Variants in CCNJ observed in about 807,000 individuals in gnomAD.
CCNJ encodes the protein cyclin J.
Under a neutral mutation model 41.4 loss-of-function variants are expected in CCNJ, and 12 were observed. That is an observed-to-expected ratio of 0.29 (90% CI 0.19 to 0.47). The LOEUF is 0.47. Among genes scored for constraint, CCNJ ranks in the 20% least tolerant of loss-of-function variants. The probability of loss-of-function intolerance (pLI) is 1.00; values close to 1 mark genes in which losing one functional copy is unlikely to be tolerated. For missense variants in CCNJ, 340 were observed against 464.6 expected (o/e 0.73, Z 2.47); for synonymous variants, 161 against 173.4 (o/e 0.93, Z 0.56).
intron 2 of CCNJ, among the ~76,000 whole-genome samples, chr10:96,048,897 TCTTCAAGTCCCTG>T (rs2080440886): frequency 6.6e-6 from 1 of 152,226 alleles, no homozygotes; most frequent in Non-Finnish European, 1.5e-5. Context: ...TACAAATCTC[TCTTCAAGTCCCTG>T]CTTTCAGTTC....
At chr10:96,049,446 T>C (rs1050516669) in intron 2 of CCNJ, among the ~76,000 whole-genome samples, 1 of 151,578 alleles carries the variant, frequency 6.6e-6, no homozygotes, top group African/African-American at 2.4e-5. Context: ...TTTTTAATTT[T>C]GTTAAAGTCC....
Position 96,058,492 on chromosome 10 carries a change from T to C in CCNJ, c.*251T>C. 1 of 503,346 alleles carries C rather than the reference T, an allele frequency of 2.0e-6. No homozygotes were observed. Among genetic ancestry groups the C allele is most frequent in the South Asian group, 3.9e-5 (1 of 25,726 alleles). 31.2% of individuals were successfully genotyped at this position (503,346 alleles called of 1,614,324 possible). A position where few individuals can be genotyped will look rare whatever the true frequency, so the allele number is the denominator to read the frequency against. The stretch of plus-strand genomic sequence containing the variant: ...AAAATGTTCAAGTCCTGGCTGATGG[T>C]CCAAATATTTCAAAAATATTCAGTA... On this transcript the variant is annotated 3_prime_UTR_variant, in exon 6 of 6. Coordinates refer to ENST00000465148, the MANE Select transcript of CCNJ (RefSeq NM_001134375.2).
At chr10:96,043,531 C>T (rs1202926300), upstream of CCNJ, 1 of 393,638 alleles carries the variant, frequency 2.5e-6, no homozygotes, top group African/African-American at 2.1e-5. Context: ...AGCGGCGGGG[C>T]CTCAAGTGCC....
chr10:96,051,170 G>T (rs1289573132), intron 3 of CCNJ, among the ~76,000 whole-genome samples: 1 of 152,158 alleles, frequency 6.6e-6, no homozygotes, highest in African/African-American at 2.4e-5. Context: ...TGTGTAGTAG[G>T]CTCCAAGATA....
rs778019676 is a variant in CCNJ, at chr10:96,044,372, G to C, written c.-22G>C. ...TTACAGACTCGAGTTGCCGCGTCGG[G>C]CTGGGCGCGCCGCCGGGTCCCATGG... On this transcript the variant is annotated 5_prime_UTR_variant, in exon 2 of 6. Coordinates refer to ENST00000465148, the MANE Select transcript of CCNJ (RefSeq NM_001134375.2). The C allele has an allele frequency of 6.6e-7, 1 of 1,510,714 alleles. No individual in the cohort carries two copies. The highest frequency in any genetic ancestry group is 2.0e-5 in the Admixed American group (1 of 49,410). The allele number at this position is 1,510,714 out of a possible 1,614,324, so 93.6% of individuals were successfully genotyped here.
chr10:96,057,718 A>T, intron 5 of CCNJ, 112 bp from the exon 6 acceptor site: 1 of 885,234 alleles, frequency 1.1e-6, no homozygotes, highest in Non-Finnish European at 1.8e-6. Flanking sequence ...AGTGACTGCT[A>T]CCTGGGTAGT....
At chr10:96,045,809 G>C (rs749722090) in intron 2 of CCNJ, among the ~76,000 whole-genome samples, 31 of 151,974 alleles carry the variant, frequency 2.0e-4, no homozygotes, top group Non-Finnish European at 2.8e-4. Flanking sequence ...GGTATGTAGT[G>C]AAATTAATTA....
Position 96,044,362 on chromosome 10 carries a change from G to A in CCNJ, c.-32G>A. 2 of 1,496,904 alleles carry A rather than the reference G, an allele frequency of 1.3e-6. No homozygotes were observed. Among genetic ancestry groups the A allele is most frequent in the East Asian group, 2.5e-5 (1 of 39,428 alleles). 92.7% of individuals were successfully genotyped at this position (1,496,904 alleles called of 1,614,324 possible). On this transcript the variant is annotated 5_prime_UTR_variant, in exon 2 of 6. Transcript: ENST00000465148. Reference sequence around the variant, plus strand: ...GGGGTGTGTCTTACAGACTCGAGTTGCCGCGTCGGGCTGGGCGCGCCGCCG... The same window carrying A: ...GGGGTGTGTCTTACAGACTCGAGTTACCGCGTCGGGCTGGGCGCGCCGCCG...
At position 96,058,197 on chromosome 10, in the gene CCNJ, A is replaced by G. The variant is rs754089995; in HGVS notation, c.1108A>G (p.Ile370Val). 1.2e-6 allele frequency: 2 copies of G among 1,614,078 alleles called. No homozygotes were observed. The highest frequency in any genetic ancestry group is 1.3e-5 in the African/African-American group (1 of 74,950). Residue 370 changes from isoleucine to valine, a missense_variant, in exon 6 of 6, where the codon ATA becomes GTA. Physicochemically the swap from Ile to Val is conservative, Grantham distance 29. Around this residue, in one of 3 missense-constraint regions of CCNJ, gnomAD observed 159 missense variants for 168.2 expected, o/e 0.95. Coordinates refer to ENST00000465148, the MANE Select transcript of CCNJ (RefSeq NM_001134375.2). ...TGTTTCTTACAACCGGAGTTATCAG[A>G]TAAATGAACATTACCCTTGTATTAC... ...LSVSYNRSYQINEHYPCITPC... is the reference protein window; with the variant it reads ...LSVSYNRSYQVNEHYPCITPC...
chr10:96,056,668 T>G (rs2080705257), intron 3 of CCNJ, 33 bp from the exon 4 acceptor site: 1 of 1,513,006 alleles, frequency 6.6e-7, no homozygotes, highest in Non-Finnish European at 8.9e-7. Context: ...TGCCTGACAT[T>G]TTCTCTCCCC....
Position 96,057,045 on chromosome 10 carries a change from T to G in CCNJ, c.581-43T>G, listed in dbSNP as rs377087423. Reference sequence around the variant, plus strand: ...AGTAAGTGACTTGTGCACTTGTGACTCGTGTATTCTGTTCCTTAAGTTCAT... The same window carrying G: ...AGTAAGTGACTTGTGCACTTGTGACGCGTGTATTCTGTTCCTTAAGTTCAT... On this transcript the variant is annotated intron_variant, in intron 4 of 5. Transcript: ENST00000465148. The G allele has an allele frequency of 2.7e-5, 44 of 1,612,864 alleles. No individual in the cohort carries two copies. The African/African-American group carries it at 5.5e-4, about 20-fold the overall frequency.
chr10:96,054,866 A>C (rs1277817711), intron 3 of CCNJ, among the ~76,000 whole-genome samples: 1 of 152,162 alleles, frequency 6.6e-6, no homozygotes, highest in Non-Finnish European at 1.5e-5. Context: ...AATATAAATA[A>C]ACTCATTAAT....
At chr10:96,047,765 A>G (rs1449824682) in intron 2 of CCNJ, among the ~76,000 whole-genome samples, 1 of 152,220 alleles carries the variant, frequency 6.6e-6, no homozygotes, top group African/African-American at 2.4e-5. Context: ...AAAATGTATC[A>G]ACATAAAACT....
chr10:96,044,170 G>A (rs1352795678), intron 1 of CCNJ, among the ~76,000 whole-genome samples, 183 bp from the exon 2 acceptor site: 1 of 152,222 alleles, frequency 6.6e-6, no homozygotes, highest in Non-Finnish European at 1.5e-5. Flanking sequence ...GGCTCTTCCT[G>A]CGGGGGCAGA....
At chr10:96,053,721 A>C (rs926001956) in intron 3 of CCNJ, among the ~76,000 whole-genome samples, 1 of 152,204 alleles carries the variant, frequency 6.6e-6, no homozygotes, top group African/African-American at 2.4e-5. Flanking sequence ...AACAATTTGT[A>C]ACAAGTGCTT....
rs2080777779 is a variant in CCNJ, at chr10:96,059,722, G to A, written c.*1481G>A. 1 of 152,542 alleles carries A rather than the reference G, an allele frequency of 6.6e-6. No individual in the cohort carries two copies. The allele number at this position is 152,542 out of a possible 1,614,324, so 9.4% of individuals were successfully genotyped here. On this transcript the variant is annotated 3_prime_UTR_variant, in exon 6 of 6. Coordinates refer to ENST00000465148, the MANE Select transcript of CCNJ (RefSeq NM_001134375.2). Reference sequence around the variant, plus strand: ...GGCAGATACGTGACTGCCACAATATGCATCGAAGACAAACTTACTATAAAG... The same window carrying A: ...GGCAGATACGTGACTGCCACAATATACATCGAAGACAAACTTACTATAAAG...
rs546419096 is a variant in CCNJ at position 96,059,982 on chromosome 10, G to A, written c.*1741G>A. On this transcript the variant is annotated 3_prime_UTR_variant, in exon 6 of 6. Coordinates refer to ENST00000465148, the MANE Select transcript of CCNJ (RefSeq NM_001134375.2). ...GATTTATTAGTCTGGTAGATAAAATGAAAAACCACTCAGGTAAGAACACTC... is the reference window on the plus strand; with the variant it reads ...GATTTATTAGTCTGGTAGATAAAATAAAAAACCACTCAGGTAAGAACACTC... The A allele has an allele frequency of 6.5e-6, 1 of 152,698 alleles. No homozygotes were observed. Among genetic ancestry groups the A allele is most frequent in the South Asian group, 2.1e-4 (1 of 4,822 alleles). The allele number at this position is 152,698 out of a possible 1,614,324, so 9.5% of individuals were successfully genotyped here.
In CCNJ at chr10:96,057,040, G is replaced by A. The variant is rs763870681; in HGVS notation, c.580+40G>A. 1.6e-5 allele frequency: 25 copies of A among 1,612,242 alleles called. No homozygotes were observed. In the East Asian group the frequency reaches 5.6e-4, roughly 36 times the overall value. ...ATACCAGTAAGTGACTTGTGCACTT[G>A]TGACTCGTGTATTCTGTTCCTTAAG... On this transcript the variant is annotated intron_variant, in intron 4 of 5. Coordinates refer to ENST00000465148, the MANE Select transcript of CCNJ (RefSeq NM_001134375.2).
rs569108900 is a variant in CCNJ, at chr10:96,058,257, A to C, written c.*16A>C. 5 of 1,600,732 alleles carry C rather than the reference A, an allele frequency of 3.1e-6. No homozygotes were observed. Among genetic ancestry groups the C allele is most frequent in the Non-Finnish European group, 4.3e-6 (5 of 1,171,788 alleles). The stretch of plus-strand genomic sequence containing the variant: ...TGAAAGGTGATTATTTGTGAAGCTG[A>C]TAACCGACCCAGACTGCTTTGTGAC... On this transcript the variant is annotated 3_prime_UTR_variant, in exon 6 of 6. Coordinates refer to ENST00000465148, the MANE Select transcript of CCNJ (RefSeq NM_001134375.2).
Sources: gnomAD v4.1 joint callset for allele counts (sites outside exome capture counted in the v4.1 genomes callset) on GRCh38, gnomAD v4.1.1 for gene constraint, gnomAD v4.1.1 regional missense constraint, MANE v1.5 for transcripts, NCBI Gene and HGNC (gene_info 2026-07-23, HGNC 2026-07-21) for gene names.